ZNF532: variants seen among roughly 807,000 people sequenced by gnomAD.
ZNF532 encodes the protein zinc finger protein 532.
In ZNF532, 22 loss-of-function variants were observed where a neutral mutation model predicts 89.3. That is an observed-to-expected ratio of 0.25 (90% CI 0.18 to 0.35). The LOEUF (loss-of-function observed/expected upper bound fraction) is 0.35. Among genes scored for constraint, ZNF532 ranks in the 10% least tolerant of loss-of-function variants. The pLI, the probability that ZNF532 is intolerant of heterozygous loss-of-function variation, is 1.00. For missense variants in ZNF532, 1,132 were observed against 1,643.4 expected (o/e 0.69, Z 5.38); for synonymous variants, 606 against 649.6 (o/e 0.93, Z 1.02).
At chr18:58,962,319 A>G (rs998407575) in intron 7 of ZNF532, among the ~76,000 whole-genome samples, 5 of 152,200 alleles carry the variant, frequency 3.3e-5, no homozygotes, top group African/African-American at 1.2e-4. Flanking sequence ...TGTAGTAGCC[A>G]TTGCTAGTGT....
At chr18:58,952,439 C>G (rs2064304221) in intron 6 of ZNF532, among the ~76,000 whole-genome samples, 1 of 152,168 alleles carries the variant, frequency 6.6e-6, no homozygotes. Flanking sequence ...GGGTCTTGCT[C>G]TGTTGCCCAG....
chr18:58,926,912 T>C (rs1211446806), intron 3 of ZNF532, among the ~76,000 whole-genome samples: 1 of 152,244 alleles, frequency 6.6e-6, no homozygotes, highest in Non-Finnish European at 1.5e-5. Context: ...TCTTTTTATA[T>C]GTTTTGAATT....
At chr18:58,979,225 G>GT in intron 8 of ZNF532, 58 bp downstream of exon 8, 1 of 1,370,880 alleles carries the variant, frequency 7.3e-7, no homozygotes, top group African/African-American at 1.4e-5. Flanking sequence ...CCTCTGGAAG[G>GT]TTTTTAGTGT....
chr18:58,954,134 T>C, intron 7 of ZNF532: 29 of 976,492 alleles, frequency 3.0e-5, no homozygotes, highest in Non-Finnish European at 3.6e-5. Flanking sequence ...TCTATCCTTG[T>C]GCCAGCTAAG....
chr18:58,955,661 AT>A (rs2064695646), intron 7 of ZNF532, among the ~76,000 whole-genome samples: 1 of 152,246 alleles, frequency 6.6e-6, no homozygotes, highest in African/African-American at 2.4e-5. Flanking sequence ...GGATCACAAT[AT>A]TCACAAATTG....
intron 9 of ZNF532, 60 bp downstream of exon 9, chr18:58,981,677 AT>A: frequency 1.9e-6 from 3 of 1,596,366 alleles, no homozygotes; most frequent in Admixed American, 1.7e-5. Context: ...TTTCCCATTC[AT>A]TTTTTTCCTT....
intron 3 of ZNF532, among the ~76,000 whole-genome samples, chr18:58,927,252 G>A (rs576630592): frequency 1.3e-5 from 2 of 152,204 alleles, no homozygotes; most frequent in Admixed American, 6.5e-5. Context: ...GGGTAGGGAC[G>A]TTGGGACAGA....
At chr18:58,907,110 G>GT (rs1158097725) in intron 2 of ZNF532, among the ~76,000 whole-genome samples, 4 of 152,192 alleles carry the variant, frequency 2.6e-5, no homozygotes, top group Non-Finnish European at 5.9e-5. Flanking sequence ...ACAGCCTCAT[G>GT]TTTTGCAGGG....
intron 5 of ZNF532, among the ~76,000 whole-genome samples, chr18:58,945,631 T>C (rs1382747916): frequency 6.6e-6 from 1 of 152,198 alleles, no homozygotes; most frequent in Non-Finnish European, 1.5e-5. Flanking sequence ...AGCTGTGAAA[T>C]AGTGATTTCT....
chr18:58,927,612 A>G (rs185860174), intron 3 of ZNF532, among the ~76,000 whole-genome samples: 5 of 151,370 alleles, frequency 3.3e-5, no homozygotes, highest in Admixed American at 2.6e-4. Context: ...GAGTCCTTTT[A>G]TGTTTGTTTT....
At chr18:58,884,687 C>T (rs997533242) in intron 2 of ZNF532, among the ~76,000 whole-genome samples, 3 of 152,164 alleles carry the variant, frequency 2.0e-5, no homozygotes, top group African/African-American at 7.2e-5. Flanking sequence ...TCCTCCCAAA[C>T]CAGGAATCCC....
rs748361050 is a variant in ZNF532 at position 58,919,488 on chromosome 18, G to A, written c.1201G>A (p.Ala401Thr). The change falls in exon 3 of 10, where the codon GCC becomes ACC. Residue 401 changes from alanine (A) to threonine (T), a missense_variant. Transcript: ENST00000591808. The surrounding 1 kb of genome is among the most constrained non-coding windows in gnomAD (Gnocchi z 6.1). ...TTCCGAGCAGACAGCGTCCGTGATG[G>A]CCTCTGTGACATCCCTTCTGTCGTC... The part of the protein sequence containing the change: ...KPSEQTASVM[A>T]SVTSLLSSPA... 5.6e-6 allele frequency: 9 copies of A among 1,614,178 alleles called. No individual in the cohort carries two copies. Among genetic ancestry groups the A allele is most frequent in the African/African-American group, 1.3e-5 (1 of 75,044 alleles).
chr18:58,869,175 A>G (rs1010867978), intron 2 of ZNF532, among the ~76,000 whole-genome samples: 1 of 152,256 alleles, frequency 6.6e-6, no homozygotes, highest in Non-Finnish European at 1.5e-5. Context: ...TGGCTGGATC[A>G]CATGGTACAT....
At chr18:58,951,647 T>TTTTTTTTTTGG (rs1555746492) in intron 6 of ZNF532, among the ~76,000 whole-genome samples, 2 of 27,734 alleles carry the variant, frequency 7.2e-5, no homozygotes, top group Non-Finnish European at 7.7e-5. Flanking sequence ...CGCCCTGTTG[T>TTTTTTTTTTGG]TTTTTTTTTT....
At chr18:58,874,388 A>G (rs1602505917) in intron 2 of ZNF532, among the ~76,000 whole-genome samples, 1 of 152,170 alleles carries the variant, frequency 6.6e-6, no homozygotes, top group East Asian at 1.9e-4. Context: ...CTTGTTGCCC[A>G]GGTTGGAGTG....
intron 7 of ZNF532, among the ~76,000 whole-genome samples, chr18:58,955,762 C>T (rs1440923798): frequency 6.6e-6 from 1 of 152,206 alleles, no homozygotes; most frequent in Non-Finnish European, 1.5e-5. Context: ...GCTTTAGTGG[C>T]ACATTGCTTA....
At chr18:58,884,869 A>C (rs1201857743) in intron 2 of ZNF532, among the ~76,000 whole-genome samples, 1 of 152,228 alleles carries the variant, frequency 6.6e-6, no homozygotes, top group African/African-American at 2.4e-5. Context: ...CGTTTCAAGC[A>C]AAAGTTATCA....
At position 58,934,575 on chromosome 18, in the gene ZNF532, C is replaced by A; in HGVS notation, c.2489C>A (p.Thr830Asn). Residue 830 changes from threonine to asparagine, a missense_variant, in exon 4 of 10, where the codon ACC becomes AAC. Thr to Asn is a moderately conservative substitution (Grantham distance 65). Transcript: ENST00000591808. The stretch of plus-strand genomic sequence containing the variant: ...TCGGTGCACTTCCAGACCCACGTCA[C>A]CAAGAACTGTCTGCACTACACGAGG... ...CRSVHFQTHV[T>N]KNCLHYTRRV... 3 of 1,614,154 alleles carry A rather than the reference C, an allele frequency of 1.9e-6. No individual in the cohort carries two copies. The highest frequency in any genetic ancestry group is 2.5e-6 in the Non-Finnish European group (3 of 1,180,022).
rs1603255317 is a variant in ZNF532 at position 58,942,320 on chromosome 18, C to CCCCTCCCTCCCTCCCTCCCTTCCT, written c.2705+2719_2705+2720insTCCTCCCTCCCTCCCTCCCTCCCT. On this transcript the variant is annotated intron_variant, in intron 5 of 9. Transcript: ENST00000591808. ...TACAGGCGTGAGCCACCGCGCCTGGCCCCTCCCTCCCTCCCTCCCTCCCTC... is the reference window on the plus strand; with the variant it reads ...TACAGGCGTGAGCCACCGCGCCTGGCCCCTCCCTCCCTCCCTCCCTTCCTCCCTCCCTCCCTCCCTCCCTCCCTC... 6.0e-4 allele frequency among the ~76,000 whole-genome samples: 22 copies of CCCCTCCCTCCCTCCCTCCCTTCCT among 36,806 alleles called. 1 individual carries two copies. The South Asian group carries it at 0.011, about 19-fold the overall frequency. The allele number at this position is 36,806 out of a possible 152,430, so 24.1% of individuals were successfully genotyped here.
Sources: allele counts gnomAD v4.1 joint callset (sites outside exome capture counted in the v4.1 genomes callset), GRCh38; gene constraint gnomAD v4.1.1; non-coding constraint Gnocchi (gnomAD v3.1); transcripts MANE v1.5; gene names NCBI Gene and HGNC (gene_info 2026-07-23, HGNC 2026-07-21).